Variants in LIPK observed in about 807,000 individuals in gnomAD.
The protein encoded by LIPK is lipase member K.
In LIPK, 32 loss-of-function variants were observed where a neutral mutation model predicts 48.6. The observed-to-expected ratio is 0.66, with a 90% confidence interval of 0.50 to 0.88. The LOEUF is 0.88. Ranked by LOEUF, LIPK falls within the 40% of genes least tolerant of loss-of-function variation. The pLI, the probability that LIPK is intolerant of heterozygous loss-of-function variation, is 0.00. For missense variants in LIPK, 507 were observed against 478.5 expected (o/e 1.06, Z -0.56); for synonymous variants, 164 against 157.4 (o/e 1.04, Z -0.32).
chr10:88,714,907 ATTAAT>A (rs2134689311), intron 1 of LIPK, among the ~76,000 whole-genome samples: 1 of 152,094 alleles, frequency 6.6e-6, no homozygotes, highest in East Asian at 1.9e-4. Context: ...CTACTTTGAT[ATTAAT>A]TTGATTCTCT....
intron 1 of LIPK, among the ~76,000 whole-genome samples, chr10:88,720,394 G>A (rs1176445059): frequency 1.3e-5 from 2 of 152,036 alleles, no homozygotes; most frequent in Admixed American, 1.3e-4. Flanking sequence ...AGGAGGAAGA[G>A]GATCAGAAAA....
At chr10:88,715,958 G>C (rs777557507) in intron 1 of LIPK, among the ~76,000 whole-genome samples, 8 of 151,956 alleles carry the variant, frequency 5.3e-5, no homozygotes, top group Non-Finnish European at 1.0e-4. Context: ...CAATTGACTT[G>C]TATATTTGAT....
chr10:88,741,486 A>C (rs1367755808), intron 8 of LIPK, among the ~76,000 whole-genome samples: 1 of 152,210 alleles, frequency 6.6e-6, no homozygotes. Context: ...TCAGCCTACC[A>C]GAGTGCTGGG....
intron 1 of LIPK, among the ~76,000 whole-genome samples, chr10:88,715,686 T>A (rs183813981): frequency 2.2e-4 from 34 of 152,186 alleles, no homozygotes; most frequent in African/African-American, 7.9e-4. Context: ...GATCTTTCAC[T>A]ATTTGTTTTC....
chr10:88,726,836 T>C lies in LIPK; in HGVS notation c.147T>C (p.Tyr49=), dbSNP rs763631655. 2 of 1,607,420 alleles carry C rather than the reference T, an allele frequency of 1.2e-6. No homozygotes were observed. Among genetic ancestry groups the C allele is most frequent in the Non-Finnish European group, 1.7e-6 (2 of 1,174,920 alleles). ...ACTGGGGTTATCCTTATGAAGAGTA[T>C]GATGTTACAACAAAAGATGGTTATA... is the stretch of plus-strand genomic sequence containing the variant. ...ISYWGYPYEE[Y]DVTTKDGYIL... The change falls in exon 3 of 10, where the codon TAT becomes TAC. Residue 49 remains tyrosine, a synonymous_variant. Coordinates refer to ENST00000404190, the MANE Select transcript of LIPK (RefSeq NM_001080518.2).
chr10:88,728,680 G>T, intron 3 of LIPK: 1 of 466,486 alleles, frequency 2.1e-6, no homozygotes, highest in South Asian at 1.6e-5. Flanking sequence ...CTGGAGTCTG[G>T]GACGCAGAGC....
intron 1 of LIPK, among the ~76,000 whole-genome samples, chr10:88,714,640 G>GAAAATATAATTTA: frequency 6.6e-6 from 1 of 152,030 alleles, no homozygotes; most frequent in Non-Finnish European, 1.5e-5. Flanking sequence ...CAAGGAATTT[G>GAAAATATAATTTA]TCTAGTTAAT....
rs778365608 is a variant in LIPK, at chr10:88,731,106, G to T, written c.347G>T (p.Gly116Val). 6.2e-7 allele frequency: 1 copy of T among 1,606,672 alleles called. No homozygotes were observed. The change falls in exon 4 of 10, where the codon GGG becomes GTG. Residue 116 changes from glycine to valine, a missense_variant. Physicochemically the swap from Gly to Val is moderately radical, Grantham distance 109. Transcript: ENST00000404190. ...LADSGYDVWL[G>V]NSRGNTWSRK... ...GATAGTGGTTATGACGTGTGGTTGGGGAACAGCCGAGGAAACACTTGGTCC... is the reference window on the plus strand; with the variant it reads ...GATAGTGGTTATGACGTGTGGTTGGTGAACAGCCGAGGAAACACTTGGTCC...
At chr10:88,738,704 G>A (rs1040186045) in intron 7 of LIPK, among the ~76,000 whole-genome samples, 1 of 152,196 alleles carries the variant, frequency 6.6e-6, no homozygotes, top group Non-Finnish European at 1.5e-5. Flanking sequence ...TCTCAGCATA[G>A]CCTAAGAGTT....
chr10:88,711,400 T>C (rs757356084), intron 1 of LIPK, among the ~76,000 whole-genome samples: 6 of 152,206 alleles, frequency 3.9e-5, no homozygotes, highest in Non-Finnish European at 7.4e-5. Context: ...TAAAATGTAC[T>C]CTTTTAGCCA....
intron 7 of LIPK, among the ~76,000 whole-genome samples, chr10:88,739,523 A>G (rs972814394): frequency 6.6e-6 from 1 of 152,118 alleles, no homozygotes; most frequent in Admixed American, 6.5e-5. Flanking sequence ...TTTGGTTAAT[A>G]TGTCTTCAGA....
intron 1 of LIPK, among the ~76,000 whole-genome samples, chr10:88,709,652 C>G (rs1313032681): frequency 3.3e-5 from 5 of 150,510 alleles, no homozygotes; most frequent in African/African-American, 1.2e-4. Context: ...TTTTTTTAAG[C>G]AAAGAATTCG....
At chr10:88,751,076 C>A (rs1842855304) in intron 9 of LIPK, among the ~76,000 whole-genome samples, 1 of 152,034 alleles carries the variant, frequency 6.6e-6, no homozygotes, top group South Asian at 2.1e-4. Context: ...TAAGAAGTAT[C>A]ATTTTTAGGA....
chr10:88,732,515 GA>G lies in LIPK; in HGVS notation c.639del (p.Lys213AsnfsTer2), dbSNP rs1394792355. ...VTVKYTQSPM[K>X]KLTTLSRRVV... ...CAGTTAAATACACCCAAAGTCCTAT[GA>G]AAAAACTAACAACCCTTTCCAGGCG... On this transcript the variant is annotated frameshift_variant, in exon 6 of 10. Coordinates refer to ENST00000404190, the MANE Select transcript of LIPK (RefSeq NM_001080518.2). LOFTEE classifies it high-confidence loss of function. 5 of 1,611,398 alleles carry G rather than the reference GA, an allele frequency of 3.1e-6. No individual in the cohort carries two copies. Among genetic ancestry groups the G allele is most frequent in the Non-Finnish European group, 4.2e-6 (5 of 1,179,210 alleles).
At chr10:88,723,270 C>G (rs556743584) in intron 1 of LIPK, among the ~76,000 whole-genome samples, 31 of 151,928 alleles carry the variant, frequency 2.0e-4, no homozygotes, top group African/African-American at 6.8e-4. Context: ...AATAGGTGCT[C>G]AATACATAGT....
chr10:88,714,935 T>C (rs1842089679), intron 1 of LIPK, among the ~76,000 whole-genome samples: 1 of 152,086 alleles, frequency 6.6e-6, no homozygotes, highest in African/African-American at 2.4e-5. Context: ...TTCTAACTTT[T>C]TATGGTAGAA....
At chr10:88,729,182 C>A (rs1432989616) in intron 3 of LIPK, among the ~76,000 whole-genome samples, 1 of 134,236 alleles carries the variant, frequency 7.4e-6, no homozygotes, top group Non-Finnish European at 1.5e-5. Context: ...CTATTAGTTC[C>A]TATCAGTTCT....
At chr10:88,751,707 G>T (rs972581195) in intron 9 of LIPK, among the ~76,000 whole-genome samples, 1 of 152,182 alleles carries the variant, frequency 6.6e-6, no homozygotes, top group African/African-American at 2.4e-5. Context: ...CACTGTTTCA[G>T]AATACGGTTG....
chr10:88,712,219 T>G (rs1416378335), intron 1 of LIPK, among the ~76,000 whole-genome samples: 6 of 152,234 alleles, frequency 3.9e-5, no homozygotes, highest in East Asian at 1.9e-4. Flanking sequence ...TATTTTGATT[T>G]TTGTTAGCAT....
Sources: gnomAD v4.1 joint callset for allele counts (sites outside exome capture counted in the v4.1 genomes callset) on GRCh38, gnomAD v4.1.1 for gene constraint, MANE v1.5 for transcripts, NCBI Gene and HGNC (gene_info 2026-07-23, HGNC 2026-07-21) for gene names.